Variants in ANO4 observed in about 807,000 individuals in gnomAD.
ANO4 encodes anoctamin-4.
ANO4 carries 69 observed loss-of-function variants against 141.9 expected under a neutral mutation model. The ratio of observed to expected loss-of-function variants is 0.49; its 90% CI spans 0.40 to 0.59. The LOEUF is 0.59. Ranked by LOEUF, ANO4 falls within the 20% of genes least tolerant of loss-of-function variation. The probability of loss-of-function intolerance (pLI) is 0.00; values close to 1 mark genes in which losing one functional copy is unlikely to be tolerated. For missense variants in ANO4, 894 were observed against 1,162.2 expected (o/e 0.77, Z 3.36); for synonymous variants, 350 against 394.3 (o/e 0.89, Z 1.33).
chr12:101,039,306 A>T (rs1181530871), intron 10 of ANO4, among the ~76,000 whole-genome samples: 1 of 152,158 alleles, frequency 6.6e-6, no homozygotes, highest in Admixed American at 6.5e-5. Context: ...GGAATTCGAG[A>T]CTAGCCTGGG....
At chr12:100,786,352 G>T (rs1342196414) in intron 3 of ANO4, among the ~76,000 whole-genome samples, 6 of 151,348 alleles carry the variant, frequency 4.0e-5, no homozygotes, top group Non-Finnish European at 1.5e-5. Context: ...GTAGGAAAAG[G>T]TGGGGGGGAA....
rs77303638 is a variant in ANO4 at position 101,105,454 on chromosome 12, C to G, written c.2150-4950C>G. Among the ~76,000 whole-genome samples the G allele has an allele frequency of 3.7e-4, 56 of 152,310 alleles. No individual in the cohort carries two copies. In the East Asian group the frequency reaches 8.7e-3, roughly 24 times the overall value. On this transcript the variant is annotated intron_variant, in intron 22 of 27. Coordinates refer to ENST00000392977, the MANE Select transcript of ANO4 (RefSeq NM_001286615.2). ...AATATAGCCATTTAAAATGTAAAAACTATTCTTAGCTCACAGATGGTTAAA... is the reference window on the plus strand; with the variant it reads ...AATATAGCCATTTAAAATGTAAAAAGTATTCTTAGCTCACAGATGGTTAAA...
chr12:101,003,162 C>G (rs1343568545), intron 8 of ANO4, among the ~76,000 whole-genome samples: 1 of 152,232 alleles, frequency 6.6e-6, no homozygotes, highest in African/African-American at 2.4e-5. Context: ...CTGCTGGGTT[C>G]TGATACAACA....
At chr12:100,945,885 A>G (rs1487706590) in intron 5 of ANO4, among the ~76,000 whole-genome samples, 2 of 152,158 alleles carry the variant, frequency 1.3e-5, no homozygotes, top group African/African-American at 4.8e-5. Context: ...TGCTTTAAGG[A>G]CTAGGATCTC....
chr12:100,981,035 G>C (rs2044436496), intron 7 of ANO4, among the ~76,000 whole-genome samples: 1 of 152,184 alleles, frequency 6.6e-6, no homozygotes, highest in African/African-American at 2.4e-5. Flanking sequence ...CATTCTGCCT[G>C]ACTTGATCCT....
At chr12:101,021,966 ACAT>A (rs2046549603) in intron 9 of ANO4, among the ~76,000 whole-genome samples, 1 of 151,908 alleles carries the variant, frequency 6.6e-6, no homozygotes, top group Admixed American at 6.6e-5. Context: ...ATGTTGCTCA[ACAT>A]CATAAGAGGA....
chr12:100,984,177 A>C (rs1592925044), intron 7 of ANO4, among the ~76,000 whole-genome samples: 1 of 151,898 alleles, frequency 6.6e-6, no homozygotes, highest in Admixed American at 6.6e-5. Flanking sequence ...GCTCACTGCA[A>C]CCTCTACCTC....
chr12:100,811,098 T>A (rs1396514832), intron 1 of ANO4, among the ~76,000 whole-genome samples: 1 of 152,116 alleles, frequency 6.6e-6, no homozygotes, highest in East Asian at 1.9e-4. Context: ...GCCCTGATAA[T>A]ACAAGAAATT....
intron 27 of ANO4, 134 bp downstream of exon 27, chr12:101,127,208 A>C: frequency 1.0e-6 from 1 of 956,306 alleles, no homozygotes; most frequent in Non-Finnish European, 1.5e-6. Flanking sequence ...CCCAATCCAA[A>C]AGAAGCTTGT....
chr12:100,982,648 A>G (rs892906163), intron 7 of ANO4, among the ~76,000 whole-genome samples: 13 of 152,282 alleles, frequency 8.5e-5, no homozygotes, highest in Middle Eastern at 3.4e-3. Context: ...ATCATGTTTA[A>G]TCCTTACCAT....
At chr12:101,054,768 G>C (rs1280050595) in intron 14 of ANO4, among the ~76,000 whole-genome samples, 1 of 151,822 alleles carries the variant, frequency 6.6e-6, no homozygotes, top group Non-Finnish European at 1.5e-5. Context: ...CCAAAGTGTG[G>C]GAGCCACCGT....
At chr12:100,758,649 G>A (rs2032721328) in intron 3 of ANO4, among the ~76,000 whole-genome samples, 1 of 152,090 alleles carries the variant, frequency 6.6e-6, no homozygotes, top group Non-Finnish European at 1.5e-5. Flanking sequence ...CCCTGTAAAG[G>A]AGTTATATTA....
intron 1 of ANO4, among the ~76,000 whole-genome samples, chr12:100,879,810 A>G (rs978823054): frequency 2.0e-5 from 3 of 152,210 alleles, no homozygotes; most frequent in African/African-American, 7.2e-5. Flanking sequence ...GAAAGAACAC[A>G]TTCCAGAGGA....
intron 2 of ANO4, 68 bp from the exon 3 acceptor site, chr12:100,922,158 C>G: frequency 1.7e-6 from 2 of 1,184,682 alleles, no homozygotes; most frequent in Non-Finnish European, 2.3e-6. Context: ...ATAGCTTCTC[C>G]TTGGGACCCT....
chr12:100,741,385 T>C (rs150068670), intron 3 of ANO4, among the ~76,000 whole-genome samples: 132 of 152,314 alleles, frequency 8.7e-4, no homozygotes, highest in Non-Finnish European at 1.4e-3. Context: ...CAGACTTCAC[T>C]AAAGGTTAAG....
chr12:100,934,571 T>C lies in ANO4; in HGVS notation c.161-4744T>C, dbSNP rs372528177. Among the ~76,000 whole-genome samples, 21 of 152,204 alleles carry C rather than the reference T, an allele frequency of 1.4e-4. 2 individuals are homozygous for C. In the East Asian group the frequency reaches 2.9e-3, roughly 21 times the overall value. The stretch of plus-strand genomic sequence containing the variant: ...TTTGCTTAGGATTGTCTTGGCAATG[T>C]GGGCTCTTTTTTGGTTCCATATGAA... On this transcript the variant is annotated intron_variant, in intron 3 of 27. Transcript: ENST00000392977.
chr12:100,948,271 G>T (rs1399370134), intron 5 of ANO4, among the ~76,000 whole-genome samples: 7 of 151,992 alleles, frequency 4.6e-5, no homozygotes, highest in Middle Eastern at 3.4e-3. Context: ...GTTGGGTGCT[G>T]CCCAGACTGT....
intron 22 of ANO4, among the ~76,000 whole-genome samples, chr12:101,107,484 CAA>C (rs2050495114): frequency 6.6e-6 from 1 of 152,216 alleles, no homozygotes; most frequent in African/African-American, 2.4e-5. Context: ...ATGAAAGACT[CAA>C]GAGGGTATAT....
chr12:100,961,295 G>A (rs1383193783), intron 5 of ANO4, among the ~76,000 whole-genome samples: 1 of 152,198 alleles, frequency 6.6e-6, no homozygotes, highest in Non-Finnish European at 1.5e-5. Flanking sequence ...GAAGAAGGTT[G>A]TCTATATCAG....
Sources: allele counts gnomAD v4.1 joint callset (sites outside exome capture counted in the v4.1 genomes callset), GRCh38; gene constraint gnomAD v4.1.1; transcripts MANE v1.5; gene names NCBI Gene and HGNC (gene_info 2026-07-23, HGNC 2026-07-21).